CEP170B: variants seen among roughly 807,000 people sequenced by gnomAD.
CEP170B encodes the protein centrosomal protein of 170 kDa protein B.
In CEP170B, 55 loss-of-function variants were observed where a neutral mutation model predicts 120.6. The ratio of observed to expected loss-of-function variants is 0.46; its 90% CI spans 0.37 to 0.57. CEP170B has a LOEUF of 0.57. CEP170B is among the 20% of genes least tolerant of loss of function. The pLI is 0.00. For synonymous variants in CEP170B, 1,033 were observed against 954.5 expected (o/e 1.08, Z -1.52); for missense variants, 2,212 against 2,253.3 (o/e 0.98, Z 0.37).
rs1035434062 is a variant in CEP170B, at chr14:104,870,812, G to A, written c.105+2257G>A. ...TTTCTACCCCTCGCTGTTGTGGGTGGTGTCACCATTGTAAGATGTATCTCC... is the reference window on the plus strand; with the variant it reads ...TTTCTACCCCTCGCTGTTGTGGGTGATGTCACCATTGTAAGATGTATCTCC... On this transcript the variant is annotated intron_variant, in intron 2 of 18. Coordinates refer to ENST00000414716, the MANE Select transcript of CEP170B (RefSeq NM_001112726.3). This position sits in a 1 kb window ranked among gnomAD's most constrained non-coding sequence, Gnocchi z 4.1. Among the ~76,000 whole-genome samples the A allele has an allele frequency of 6.6e-6, 1 of 152,106 alleles. No homozygotes were observed. The highest frequency in any genetic ancestry group is 2.4e-5 in the African/African-American group (1 of 41,398).
In CEP170B at chr14:104,895,627, CTTG is replaced by C. The variant is rs1431256620; in HGVS notation, c.*673_*675del. 4 of 152,768 alleles carry C rather than the reference CTTG, an allele frequency of 2.6e-5. No homozygotes were observed. The highest frequency in any genetic ancestry group is 4.8e-5 in the African/African-American group (2 of 41,488). 9.5% of individuals were successfully genotyped at this position (152,768 alleles called of 1,614,324 possible). On this transcript the variant is annotated 3_prime_UTR_variant, in exon 19 of 19. Coordinates refer to ENST00000414716, the MANE Select transcript of CEP170B (RefSeq NM_001112726.3). The stretch of plus-strand genomic sequence containing the variant: ...AGGCCTCCTGGGTATGGACCAGGGG[CTTG>C]TTGAGAGCTGAGCCATGCACACAGG...
Position 104,877,868 on chromosome 14 carries a change from CACCT to C in CEP170B, c.196-16_196-13del. The C allele has an allele frequency of 7.7e-7, 1 of 1,304,498 alleles. No homozygotes were observed. Among genetic ancestry groups the C allele is most frequent in the South Asian group, 1.3e-5 (1 of 74,836 alleles). The allele number at this position is 1,304,498 out of a possible 1,614,324, so 80.8% of individuals were successfully genotyped here. The stretch of plus-strand genomic sequence containing the variant: ...CGCGCAGCTCCCCCCCCCCCCCCGC[CACCT>C]GTTTTCCTGCAGACGTTTGTGAATG... On this transcript the variant is annotated splice_polypyrimidine_tract_variant and intron_variant, in intron 3 of 18. Coordinates refer to ENST00000414716, the MANE Select transcript of CEP170B (RefSeq NM_001112726.3).
chr14:104,883,507 G>A lies in CEP170B; in HGVS notation c.1050G>A (p.Lys350=), dbSNP rs1332885168. The A allele has an allele frequency of 2.6e-6, 4 of 1,536,880 alleles. No homozygotes were observed. The highest frequency in any genetic ancestry group is 3.5e-6 in the Non-Finnish European group (4 of 1,138,092). Residue 350 remains lysine, a splice_region_variant and synonymous_variant, in exon 8 of 19, where the codon AAG becomes AAA. Transcript: ENST00000414716. ...SDLPVHTRTL[K]GHKHEDGTQS... is the part of the protein sequence containing the mutation. ...TGCCTGTCCACACCCGCACCCTGAAGGGTGAGTGCCCAGCTGGCGGCCGTG... is the reference window on the plus strand; with the variant it reads ...TGCCTGTCCACACCCGCACCCTGAAAGGTGAGTGCCCAGCTGGCGGCCGTG...
chr14:104,882,718 C>T lies in CEP170B; in HGVS notation c.473-10C>T. ...GCAACACAGGGTCTGACCTCTCGCT[C>T]CCTCCACAGAGGCAGCCTCTTACCG... On this transcript the variant is annotated splice_polypyrimidine_tract_variant and intron_variant, in intron 6 of 18. Coordinates refer to ENST00000414716, the MANE Select transcript of CEP170B (RefSeq NM_001112726.3). The T allele has an allele frequency of 1.2e-6, 2 of 1,607,486 alleles. No homozygotes were observed. Among genetic ancestry groups the T allele is most frequent in the Non-Finnish European group, 1.7e-6 (2 of 1,176,528 alleles).
rs759694034 is a variant in CEP170B, at chr14:104,877,904, G to C, written c.215G>C (p.Arg72Pro). 3.3e-6 allele frequency: 5 copies of C among 1,524,764 alleles called. No individual in the cohort carries two copies. The highest frequency in any genetic ancestry group is 4.5e-6 in the Non-Finnish European group (5 of 1,122,396). 94.5% of individuals were successfully genotyped at this position (1,524,764 alleles called of 1,614,324 possible). Residue 72 changes from arginine (R) to proline (P), a missense_variant, in exon 4 of 19, where the codon CGC becomes CCC. By Grantham distance (103) the Arg-to-Pro change is moderately radical. This residue lies in a region of CEP170B where 2,166 missense variants were observed against 2,166.7 expected (regional missense o/e 1.00). Coordinates refer to ENST00000414716, the MANE Select transcript of CEP170B (RefSeq NM_001112726.3). Reference sequence around the variant, plus strand: ...CTGCAGACGTTTGTGAATGACATGCGCATCCCGGACCAGAAGTACGTCACG... The same window carrying C: ...CTGCAGACGTTTGTGAATGACATGCCCATCCCGGACCAGAAGTACGTCACG... ...SLNGTFVNDM[R>P]IPDQKYVTLK...
intron 2 of CEP170B, among the ~76,000 whole-genome samples, chr14:104,873,933 G>A (rs1370519026): frequency 1.3e-5 from 2 of 152,186 alleles, no homozygotes; most frequent in Non-Finnish European, 2.9e-5. Flanking sequence ...TGTCGGGCGG[G>A]CTGAGGTGGG....
At chr14:104,872,614 T>C (rs1398309596) in intron 2 of CEP170B, among the ~76,000 whole-genome samples, 1 of 152,110 alleles carries the variant, frequency 6.6e-6, no homozygotes, top group Admixed American at 6.5e-5. Flanking sequence ...CGTGAGAGCG[T>C]GTGACAGCTG....
intron 2 of CEP170B, 24 bp from the exon 3 acceptor site, chr14:104,876,232 A>G: frequency 6.5e-7 from 1 of 1,549,762 alleles, no homozygotes; most frequent in South Asian, 1.2e-5. Context: ...GGAGCACCTG[A>G]GGGCTGGCTG....
intron 2 of CEP170B, among the ~76,000 whole-genome samples, chr14:104,871,547 A>G (rs929421058): frequency 6.6e-6 from 1 of 151,976 alleles, no homozygotes; most frequent in Non-Finnish European, 1.5e-5. Flanking sequence ...TCGGCGCCAC[A>G]TCTTTCCACT....
chr14:104,872,341 T>TGC (rs1407863985), intron 2 of CEP170B, among the ~76,000 whole-genome samples: 30 of 113,370 alleles, frequency 2.6e-4, no homozygotes, highest in East Asian at 7.6e-4. Context: ...TGGGTGTGCG[T>TGC]GTGTGTGCGT....
intron 3 of CEP170B, among the ~76,000 whole-genome samples, chr14:104,877,172 C>A (rs945715117): frequency 6.6e-6 from 1 of 152,152 alleles, no homozygotes; most frequent in Admixed American, 6.5e-5. Context: ...GTCCTGAGCT[C>A]CCTCCTCCCG....
At chr14:104,883,557 C>T (rs561292533) in intron 8 of CEP170B, 49 bp downstream of exon 8, 257 of 1,483,644 alleles carry the variant, frequency 1.7e-4, no homozygotes, top group South Asian at 6.7e-4. Context: ...GGCAGGGGAC[C>T]GGACTTTGGC....
In CEP170B at chr14:104,896,642, G is replaced by A. The variant is rs1207000190; in HGVS notation, c.*1684G>A. The A allele has an allele frequency of 2.2e-6, 1 of 456,216 alleles. No individual in the cohort carries two copies. The highest frequency in any genetic ancestry group is 2.0e-5 in the African/African-American group (1 of 50,154). The allele number at this position is 456,216 out of a possible 1,614,324, so 28.3% of individuals were successfully genotyped here. A position where few individuals can be genotyped will look rare whatever the true frequency, so the allele number is the denominator to read the frequency against. On this transcript the variant is annotated 3_prime_UTR_variant, in exon 19 of 19. Transcript: ENST00000414716. ...TGCCGGGCTTCTCGGAGGGTTCACT[G>A]TACATTCGTTCTCAGGTGGTCTTGT...
intron 2 of CEP170B, among the ~76,000 whole-genome samples, chr14:104,872,817 T>A (rs1447587496): frequency 1.3e-5 from 2 of 152,234 alleles, no homozygotes; most frequent in Admixed American, 1.3e-4. Flanking sequence ...GCCAGGCTGT[T>A]GCCCCAGAGG....
rs1896858342 is a variant in CEP170B at position 104,891,589 on chromosome 14, G to A, written c.3879-1387G>A. Among the ~76,000 whole-genome samples, 1 of 152,076 alleles carries A rather than the reference G, an allele frequency of 6.6e-6. No homozygotes were observed. The highest frequency in any genetic ancestry group is 2.4e-5 in the African/African-American group (1 of 41,388). On this transcript the variant is annotated intron_variant, in intron 13 of 18. Transcript: ENST00000414716. The surrounding 1 kb of genome is among the most constrained non-coding windows in gnomAD (Gnocchi z 4.3). ...TGAGGTATTGGGGGAGCATAGGGAA[G>A]AAGGCTGCCATCAGCGGAGGAGGCT...
At chr14:104,872,017 G>A (rs994959088) in intron 2 of CEP170B, among the ~76,000 whole-genome samples, 1 of 152,208 alleles carries the variant, frequency 6.6e-6, no homozygotes, top group Non-Finnish European at 1.5e-5. Context: ...GGTGCCCAGC[G>A]AACAGGCGTT....
At chr14:104,882,687 G>GC (rs1418115581) in intron 6 of CEP170B, 41 bp from the exon 7 acceptor site, 1 of 1,535,272 alleles carries the variant, frequency 6.5e-7, no homozygotes, top group Non-Finnish European at 8.9e-7. Flanking sequence ...CACACTGGGG[G>GC]CCCCAGCAAC....
At chr14:104,873,708 T>C (rs1895692375) in intron 2 of CEP170B, among the ~76,000 whole-genome samples, 1 of 151,972 alleles carries the variant, frequency 6.6e-6, no homozygotes. Flanking sequence ...GGGTTTCCAC[T>C]CCTCAGCAGA....
intron 11 of CEP170B, 71 bp from the exon 12 acceptor site, chr14:104,886,204 G>A: frequency 6.8e-7 from 1 of 1,472,438 alleles, no homozygotes. Context: ...ACGGACACAG[G>A]CTGCCTCTTC....
Sources: allele counts gnomAD v4.1 joint callset (sites outside exome capture counted in the v4.1 genomes callset), GRCh38; gene constraint gnomAD v4.1.1; regional missense constraint gnomAD v4.1.1; non-coding constraint Gnocchi (gnomAD v3.1); transcripts MANE v1.5; gene names NCBI Gene and HGNC (gene_info 2026-07-23, HGNC 2026-07-21).